IFT122: variants seen among roughly 807,000 people sequenced by gnomAD.
IFT122 encodes intraflagellar transport protein 122 homolog.
IFT122 carries 118 observed loss-of-function variants against 161.6 expected under a neutral mutation model. That is an observed-to-expected ratio of 0.73 (90% CI 0.63 to 0.85). The LOEUF (loss-of-function observed/expected upper bound fraction) is 0.85. Ranked by LOEUF, IFT122 falls within the 40% of genes least tolerant of loss-of-function variation. The pLI, the probability that IFT122 is intolerant of heterozygous loss-of-function variation, is 0.00. For missense variants in IFT122, 1,381 were observed against 1,579.6 expected, an observed-to-expected ratio of 0.87 and a Z score of 2.13; for synonymous variants, 550 against 602.4, an observed-to-expected ratio of 0.91 and a Z score of 1.27.
chr3:129,492,170 T>C lies in IFT122; in HGVS notation c.2022T>C (p.Tyr674=), dbSNP rs528585314. ...KAFIRVQDLR[Y]LELISSIEER... ...TCATCAGAGTACAAGACCTCCGATA[T>C]TTAGAGCTCATCAGCAGCATTGAGG... is the stretch of plus-strand genomic sequence containing the variant. The change falls in exon 17 of 30, where the codon TAT becomes TAC. Residue 674 remains tyrosine (Y), a synonymous_variant. Coordinates refer to ENST00000348417, the MANE Select transcript of IFT122 (RefSeq NM_052989.3). 1 of 1,613,306 alleles carries C rather than the reference T, an allele frequency of 6.2e-7. No homozygotes were observed. The highest frequency in any genetic ancestry group is 2.2e-5 in the East Asian group (1 of 44,876).
chr3:129,451,271 A>AT (rs562100319), intron 2 of IFT122, among the ~76,000 whole-genome samples: 15 of 150,148 alleles, frequency 1.0e-4, no homozygotes, highest in South Asian at 6.4e-4. Context: ...CCTAATTTTT[A>AT]TTTTTTTTTA....
intron 22 of IFT122, 69 bp from the exon 23 acceptor site, chr3:129,507,599 T>C: frequency 8.2e-7 from 1 of 1,216,656 alleles, no homozygotes. Context: ...TGGCCCCTCC[T>C]CCTGGGGCCA....
chr3:129,452,081 C>A, intron 3 of IFT122, 83 bp downstream of exon 3: 1 of 1,086,490 alleles, frequency 9.2e-7, no homozygotes, highest in Non-Finnish European at 1.4e-6. Context: ...TTAATTATTT[C>A]TAGTAAGCTG....
intron 9 of IFT122, among the ~76,000 whole-genome samples, chr3:129,473,074 G>T (rs771535468): frequency 6.6e-6 from 1 of 152,184 alleles, no homozygotes; most frequent in Non-Finnish European, 1.5e-5. Context: ...GCCAAGGAGG[G>T]ACGATTGCTT....
intron 18 of IFT122, among the ~76,000 whole-genome samples, chr3:129,497,191 C>T (rs2080963523): frequency 6.6e-6 from 1 of 152,140 alleles, no homozygotes; most frequent in African/African-American, 2.4e-5. Flanking sequence ...TTGCTTGAGC[C>T]CCAGAGGTGG....
rs1385391301 is a variant in IFT122 at position 129,464,886 on chromosome 3, A to G, written c.563+105A>G. 1.2e-5 allele frequency: 15 copies of G among 1,296,324 alleles called. No homozygotes were observed. The East Asian group carries it at 1.4e-4, about 12-fold the overall frequency. The allele number at this position is 1,296,324 out of a possible 1,614,324, so 80.3% of individuals were successfully genotyped here. A position where few individuals can be genotyped will look rare whatever the true frequency, so the allele number is the denominator to read the frequency against. On this transcript the variant is annotated intron_variant, in intron 7 of 29. Coordinates refer to ENST00000348417, the MANE Select transcript of IFT122 (RefSeq NM_052989.3). Reference sequence around the variant, plus strand: ...TTCAAAGGCTTCTCACCTCACTTGAATGGTCTGTTTTAGAACCTGTCCCAT... The same window carrying G: ...TTCAAAGGCTTCTCACCTCACTTGAGTGGTCTGTTTTAGAACCTGTCCCAT...
intron 3 of IFT122, among the ~76,000 whole-genome samples, chr3:129,455,131 A>G (rs1475315945): frequency 3.3e-5 from 5 of 151,698 alleles, no homozygotes; most frequent in Non-Finnish European, 7.4e-5. Context: ...TTTGCTCTTT[A>G]AGTCTGCTTG....
intron 18 of IFT122, among the ~76,000 whole-genome samples, chr3:129,498,115 C>T (rs1345818207): frequency 6.6e-6 from 1 of 152,190 alleles, no homozygotes; most frequent in Non-Finnish European, 1.5e-5. Context: ...AACTTAGCTT[C>T]AGGAAAGCAA....
intron 21 of IFT122, among the ~76,000 whole-genome samples, chr3:129,504,692 C>G (rs2082002952): frequency 6.6e-6 from 1 of 152,240 alleles, no homozygotes; most frequent in African/African-American, 2.4e-5. Flanking sequence ...GAGCAAAGTG[C>G]TGTGCACTGC....
In IFT122 at chr3:129,441,803, G is replaced by C. The variant is rs543008159; in HGVS notation, c.41+1432G>C. Among the ~76,000 whole-genome samples the C allele has an allele frequency of 2.0e-5, 3 of 152,290 alleles. No individual in the cohort carries two copies. In the South Asian group the frequency reaches 6.2e-4, roughly 32 times the overall value. On this transcript the variant is annotated intron_variant, in intron 1 of 29. Coordinates refer to ENST00000348417, the MANE Select transcript of IFT122 (RefSeq NM_052989.3). ...GAATCTTTCATTTGTACTTTTAATA[G>C]AGATTTGAGTTTTAAAAAATCATTT...
At position 129,520,434 on chromosome 3, in the gene IFT122, C is replaced by G; in HGVS notation, c.*169C>G. ...GAATTCCTATTTATGGCATTTCATG[C>G]CTTGTAAATAGCACCAGGAGATGAG... is the stretch of plus-strand genomic sequence containing the variant. On this transcript the variant is annotated 3_prime_UTR_variant, in exon 30 of 30. Transcript: ENST00000348417. 1.5e-6 allele frequency: 1 copy of G among 678,784 alleles called. No individual in the cohort carries two copies. The highest frequency in any genetic ancestry group is 2.7e-6 in the Non-Finnish European group (1 of 371,474). The allele number at this position is 678,784 out of a possible 1,614,324, so 42.0% of individuals were successfully genotyped here.
chr3:129,453,439 C>T (rs1233810286), intron 3 of IFT122, among the ~76,000 whole-genome samples: 8 of 151,934 alleles, frequency 5.3e-5, no homozygotes, highest in African/African-American at 1.9e-4. Context: ...TAGTGAGATC[C>T]CCGGTGACAT....
chr3:129,517,624 G>A, intron 27 of IFT122, 30 bp downstream of exon 27: 1 of 1,608,150 alleles, frequency 6.2e-7, no homozygotes, highest in Non-Finnish European at 8.5e-7. Context: ...GAGCCTGTGT[G>A]TGCGGCTGTG....
At position 129,466,747 on chromosome 3, in the gene IFT122, C is replaced by T. The variant is rs1198917146; in HGVS notation, c.564-143C>T. Reference sequence around the variant, plus strand: ...TGAACTCCTGATCTCGAGCGATTCACTTGCCTCGGCCTCCTGAAGTGCTGG... The same window carrying T: ...TGAACTCCTGATCTCGAGCGATTCATTTGCCTCGGCCTCCTGAAGTGCTGG... On this transcript the variant is annotated intron_variant, in intron 7 of 29. Coordinates refer to ENST00000348417, the MANE Select transcript of IFT122 (RefSeq NM_052989.3). 11 of 768,408 alleles carry T rather than the reference C, an allele frequency of 1.4e-5. 1 individual carries two copies. Among genetic ancestry groups the T allele is most frequent in the South Asian group, 1.3e-4 (9 of 70,210 alleles). The allele number at this position is 768,408 out of a possible 1,614,324, so 47.6% of individuals were successfully genotyped here. A position where few individuals can be genotyped will look rare whatever the true frequency, so the allele number is the denominator to read the frequency against.
chr3:129,449,788 G>T, intron 1 of IFT122, 83 bp from the exon 2 acceptor site: 1 of 913,160 alleles, frequency 1.1e-6, no homozygotes, highest in South Asian at 1.3e-5. Context: ...GTTTCTTAAT[G>T]GCAATAAAGT....
chr3:129,516,647 TAC>T (rs1309470712), intron 26 of IFT122, among the ~76,000 whole-genome samples: 19 of 49,346 alleles, frequency 3.9e-4, no homozygotes, highest in Non-Finnish European at 2.7e-4. Context: ...AGACTGCCCC[TAC>T]ACACACACAC....
At chr3:129,509,141 A>G (rs1367217129) in intron 23 of IFT122, among the ~76,000 whole-genome samples, 3 of 152,210 alleles carry the variant, frequency 2.0e-5, no homozygotes, top group Non-Finnish European at 4.4e-5. Flanking sequence ...CACACCTCAC[A>G]TCTGATTGAG....
chr3:129,512,283 A>C, intron 23 of IFT122, 29 bp from the exon 24 acceptor site: 2 of 1,524,130 alleles, frequency 1.3e-6, no homozygotes, highest in South Asian at 1.1e-5. Flanking sequence ...TGAAGAACTC[A>C]ATCCCTGTTT....
intron 26 of IFT122, among the ~76,000 whole-genome samples, chr3:129,516,599 CACACAG>C (rs2108682227): frequency 1.4e-5 from 2 of 146,424 alleles, no homozygotes; most frequent in Non-Finnish European, 3.0e-5. Flanking sequence ...CCCCTGCACA[CACACAG>C]AGACTGCCCC....
Sources: allele counts gnomAD v4.1 joint callset (sites outside exome capture counted in the v4.1 genomes callset), GRCh38; gene constraint gnomAD v4.1.1; transcripts MANE v1.5; gene names NCBI Gene and HGNC (gene_info 2026-07-23, HGNC 2026-07-21).